NDUFAF6: variants seen among roughly 807,000 people sequenced by gnomAD.
The protein encoded by NDUFAF6 is NADH dehydrogenase (ubiquinone) complex I, assembly factor 6.
A neutral mutation model predicts 40.8 loss-of-function variants in NDUFAF6; 45 were observed. That is an observed-to-expected ratio of 1.10 (90% CI 0.87 to 1.42). NDUFAF6 has a LOEUF of 1.42. NDUFAF6 is among the 40% of genes most tolerant of loss of function. The pLI is 0.00. For missense variants in NDUFAF6, 435 were observed against 418.5 expected (o/e 1.04, Z -0.34); for synonymous variants, 185 against 155.9 (o/e 1.19, Z -1.39).
At chr8:95,076,763 C>A (rs892925849), downstream of NDUFAF6, among the ~76,000 whole-genome samples, 11 of 151,228 alleles carry the variant, frequency 7.3e-5, no homozygotes, top group East Asian at 2.1e-3. Flanking sequence ...ATCCCAGCTA[C>A]TTGGGAGGCT....
At chr8:95,116,522 T>C (rs546890931), downstream of NDUFAF6, 16 of 152,206 alleles carry the variant, frequency 1.1e-4, no homozygotes, top group South Asian at 3.3e-3. Context: ...CCAGCTAATT[T>C]TTCTTTTTTT....
At chr8:95,066,154 C>T (rs928428522) in intron 9 of NDUFAF6, among the ~76,000 whole-genome samples, 1 of 152,122 alleles carries the variant, frequency 6.6e-6, no homozygotes, top group East Asian at 1.9e-4. Context: ...CTCTGTTACC[C>T]AGGCTGTAGT....
At chr8:94,919,133 A>C (rs1413321159) in intron 1 of NDUFAF6, among the ~76,000 whole-genome samples, 1 of 152,092 alleles carries the variant, frequency 6.6e-6, no homozygotes, top group Non-Finnish European at 1.5e-5. Context: ...AGATGACTAG[A>C]TGTGCCAGTG....
chr8:94,953,255 G>A (rs1485559512), upstream of NDUFAF6, among the ~76,000 whole-genome samples: 1 of 151,976 alleles, frequency 6.6e-6, no homozygotes, highest in Non-Finnish European at 1.5e-5. Context: ...GCTGAGGCAG[G>A]AGAATCGCTT....
At chr8:95,035,676 T>C in intron 3 of NDUFAF6, 100 bp downstream of exon 3, 2 of 1,185,126 alleles carry the variant, frequency 1.7e-6, no homozygotes, top group South Asian at 1.4e-5. Flanking sequence ...GTGGAATCTA[T>C]TCTGAAAATA....
At chr8:94,912,632 TAAA>T (rs567408916) in intron 1 of NDUFAF6, among the ~76,000 whole-genome samples, 3 of 141,126 alleles carry the variant, frequency 2.1e-5, no homozygotes, top group African/African-American at 7.8e-5. Context: ...CTGTCTCTAC[TAAA>T]AAAAAAAAAG....
At chr8:94,909,348 CAAAA>C (rs556065794) in intron 1 of NDUFAF6, among the ~76,000 whole-genome samples, 16 of 91,914 alleles carry the variant, frequency 1.7e-4, no homozygotes, top group African/African-American at 5.6e-4. Context: ...GACTCCGTCT[CAAAA>C]AAAAAAAAAA....
At chr8:94,953,153 G>A (rs931897020), upstream of NDUFAF6, among the ~76,000 whole-genome samples, 1 of 152,154 alleles carries the variant, frequency 6.6e-6, no homozygotes. Flanking sequence ...TTCAAGACCA[G>A]CCTGACCAAC....
intron 2 of NDUFAF6, among the ~76,000 whole-genome samples, chr8:94,986,943 T>A (rs1825940162): frequency 6.6e-6 from 1 of 152,246 alleles, no homozygotes; most frequent in African/African-American, 2.4e-5. Flanking sequence ...AATGTTTACC[T>A]TAGTAGTCAG....
upstream of NDUFAF6, among the ~76,000 whole-genome samples, chr8:95,021,296 A>C (rs902363296): frequency 1.3e-5 from 2 of 152,250 alleles, no homozygotes; most frequent in Non-Finnish European, 2.9e-5. Context: ...GATACAGCAC[A>C]CAAGGACAAT....
chr8:94,916,585 G>A (rs1013492175), intron 1 of NDUFAF6, among the ~76,000 whole-genome samples: 37 of 148,188 alleles, frequency 2.5e-4, no homozygotes, highest in African/African-American at 3.7e-4. Flanking sequence ...AGGCCGAGGC[G>A]GGTGGATCAC....
chr8:95,070,462 A>G (rs1832814625), intron 9 of NDUFAF6, among the ~76,000 whole-genome samples: 1 of 152,190 alleles, frequency 6.6e-6, no homozygotes, highest in African/African-American at 2.4e-5. Flanking sequence ...AAGCTTTGAA[A>G]TTTGATATTT....
At chr8:95,094,754 T>C (rs866031038) in intron 2 of NDUFAF6, among the ~76,000 whole-genome samples, 32 of 145,956 alleles carry the variant, frequency 2.2e-4, no homozygotes, top group African/African-American at 4.2e-4. Context: ...TCTTCTTCTT[T>C]TTTTTTTTTT....
intron 2 of NDUFAF6, among the ~76,000 whole-genome samples, chr8:94,983,256 C>CTTTTTTT (rs1173077785): frequency 3.6e-5 from 3 of 83,186 alleles, no homozygotes; most frequent in African/African-American, 9.7e-5. Context: ...CTTTGCTATT[C>CTTTTTTT]TTTTTTTTTT....
chr8:94,998,483 G>A (rs1586934802), intron 2 of NDUFAF6, among the ~76,000 whole-genome samples: 1 of 152,026 alleles, frequency 6.6e-6, no homozygotes, highest in African/African-American at 2.4e-5. Context: ...TGAAAGTTGG[G>A]TGCCATTCTA....
downstream of NDUFAF6, among the ~76,000 whole-genome samples, chr8:95,077,683 G>A (rs1389233346): frequency 6.6e-6 from 1 of 152,228 alleles, no homozygotes; most frequent in East Asian, 1.9e-4. Flanking sequence ...ACTCTACCAT[G>A]ACAGGAGAAG....
intron 2 of NDUFAF6, among the ~76,000 whole-genome samples, chr8:95,088,846 C>T (rs1347352447): frequency 5.3e-5 from 8 of 151,680 alleles, no homozygotes; most frequent in Admixed American, 2.0e-4. Flanking sequence ...CTGCAACCTC[C>T]GCCTCCCGGG....
At chr8:95,024,891 G>C (rs192367687), upstream of NDUFAF6, 1 of 868,718 alleles carries the variant, frequency 1.2e-6, no homozygotes, top group African/African-American at 1.8e-5. Flanking sequence ...TTCTTTGAGC[G>C]GCGTCCAGAG....
intron 2 of NDUFAF6, among the ~76,000 whole-genome samples, chr8:94,946,712 A>AAAAAAAAAAAAAAAAAAAAC (rs1563736816): frequency 6.7e-6 from 1 of 148,312 alleles, no homozygotes. Context: ...AAAAAAAAAA[A>AAAAAAAAAAAAAAAAAAAAC]AAAAAAAAGA....
Sources: gnomAD v4.1 joint callset for allele counts (sites outside exome capture counted in the v4.1 genomes callset) on GRCh38, gnomAD v4.1.1 for gene constraint, MANE v1.5 for transcripts, NCBI Gene and HGNC (gene_info 2026-07-23, HGNC 2026-07-21) for gene names.